The following MYOCD variants were observed in gnomAD, a reference collection of about 807,000 sequenced individuals.
MYOCD encodes myocardin.
MYOCD carries 32 observed loss-of-function variants against 96.1 expected under a neutral mutation model. The observed-to-expected ratio is 0.33, with a 90% CI of 0.25 to 0.45. MYOCD has a LOEUF of 0.45. Among genes scored for constraint, MYOCD ranks in the 20% least tolerant of loss-of-function variants. The probability of loss-of-function intolerance (pLI) is 1.00; values close to 1 mark genes in which losing one functional copy is unlikely to be tolerated. For missense variants in MYOCD, 1,133 were observed against 1,200.6 expected, an observed-to-expected ratio of 0.94 and a Z score of 0.83; for synonymous variants, 469 against 469.0, an observed-to-expected ratio of 1.00 and a Z score of 0.00.
chr17:12,725,892 A>C (rs776389198), intron 5 of MYOCD, among the ~76,000 whole-genome samples: 20 of 152,116 alleles, frequency 1.3e-4, no homozygotes, highest in Non-Finnish European at 2.8e-4. Context: ...GAGTTTTTTT[A>C]AACGCTTTTA....
At chr17:12,719,624 G>A (rs1229978941) in intron 4 of MYOCD, among the ~76,000 whole-genome samples, 5 of 150,766 alleles carry the variant, frequency 3.3e-5, no homozygotes, top group African/African-American at 9.7e-5. Flanking sequence ...AGGCCGAGGC[G>A]GGCGGATCAC....
At chr17:12,747,505 G>A (rs932042642) in intron 9 of MYOCD, among the ~76,000 whole-genome samples, 3 of 152,134 alleles carry the variant, frequency 2.0e-5, no homozygotes, top group Non-Finnish European at 4.4e-5. Flanking sequence ...TAGCCAGGCT[G>A]TCTTGTCAGG....
intron 4 of MYOCD, among the ~76,000 whole-genome samples, chr17:12,721,062 G>T (rs2031819941): frequency 6.7e-6 from 1 of 149,612 alleles, no homozygotes; most frequent in African/African-American, 2.4e-5. Context: ...TCTAAGTAGG[G>T]ATTTTCCTGA....
intron 1 of MYOCD, among the ~76,000 whole-genome samples, chr17:12,702,034 G>A (rs1484058806): frequency 6.6e-6 from 1 of 152,036 alleles, no homozygotes. Flanking sequence ...TAGGTGTAGT[G>A]CTAAACAAAT....
intron 1 of MYOCD, among the ~76,000 whole-genome samples, chr17:12,675,011 A>C (rs1909931102): frequency 6.6e-6 from 1 of 152,178 alleles, no homozygotes; most frequent in Non-Finnish European, 1.5e-5. Context: ...CTGTAGATTG[A>C]AAAAAATACT....
chr17:12,715,454 A>T lies in MYOCD; in HGVS notation c.122-65A>T, dbSNP rs372416070. 93 of 1,415,470 alleles carry T rather than the reference A, an allele frequency of 6.6e-5. 1 individual carries two copies. In the African/African-American group the frequency reaches 1.1e-3, roughly 17 times the overall value. The allele number at this position is 1,415,470 out of a possible 1,614,324, so 87.7% of individuals were successfully genotyped here. On this transcript the variant is annotated intron_variant, in intron 2 of 13. Coordinates refer to ENST00000425538, the MANE Select transcript of MYOCD (RefSeq NM_001146312.3). Reference sequence around the variant, plus strand: ...CATAGCTCAGCAAGCACACCAGCAAACTCTGCGATACAGACCAATGCCCTT... The same window carrying T: ...CATAGCTCAGCAAGCACACCAGCAATCTCTGCGATACAGACCAATGCCCTT...
At position 12,736,330 on chromosome 17, in the gene MYOCD, A is replaced by T. The variant is rs768453234; in HGVS notation, c.585A>T (p.Thr195=). The change falls in exon 6 of 14, where the codon ACA becomes ACT. Residue 195 remains threonine, a synonymous_variant. Coordinates refer to ENST00000425538, the MANE Select transcript of MYOCD (RefSeq NM_001146312.3). ...SDTPSTGSLG[T]NQDLASGSEN... Reference sequence around the variant, plus strand: ...CCCCTTCGACAGGTTCTCTGGGGACAAACCAGGTAAAAAACAAAACAAACA... The same window carrying T: ...CCCCTTCGACAGGTTCTCTGGGGACTAACCAGGTAAAAAACAAAACAAACA... The T allele has an allele frequency of 2.5e-6, 4 of 1,611,850 alleles. No homozygotes were observed. In the South Asian group the frequency reaches 4.4e-5, roughly 18 times the overall value.
At chr17:12,746,895 A>G (rs1175549083) in intron 9 of MYOCD, among the ~76,000 whole-genome samples, 4 of 151,766 alleles carry the variant, frequency 2.6e-5, no homozygotes, top group Non-Finnish European at 5.9e-5. Context: ...CACCCAGCTA[A>G]TTTTTGTATT....
intron 9 of MYOCD, among the ~76,000 whole-genome samples, chr17:12,750,507 G>A (rs2032817620): frequency 6.6e-6 from 1 of 152,082 alleles, no homozygotes; most frequent in Non-Finnish European, 1.5e-5. Flanking sequence ...TGGCCAACAT[G>A]GTGAAACCCC....
chr17:12,752,884 C>G lies in MYOCD; in HGVS notation c.1596C>G (p.Thr532=), dbSNP rs756603012. 1 of 1,613,914 alleles carries G rather than the reference C, an allele frequency of 6.2e-7. No homozygotes were observed. The highest frequency in any genetic ancestry group is 1.3e-5 in the African/African-American group (1 of 74,870). ...VEKQKVINEL[T]WKLQQEQRQV... ...AGCAGAAGGTGATCAATGAACTCAC[C>G]TGGAAACTCCAGCAAGAGCAGAGGC... is the stretch of plus-strand genomic sequence containing the variant. Residue 532 remains threonine (T), a synonymous_variant, in exon 10 of 14, where the codon ACC becomes ACG. Transcript: ENST00000425538.
rs139573882 is a variant in MYOCD, at chr17:12,715,064, G to A, written c.122-455G>A. On this transcript the variant is annotated intron_variant, in intron 2 of 13. Transcript: ENST00000425538. Reference sequence around the variant, plus strand: ...AGCCACACACTTTATCCAGAGTACCGTCCCTTCCTCCAAAGCACCACCCCA... The same window carrying A: ...AGCCACACACTTTATCCAGAGTACCATCCCTTCCTCCAAAGCACCACCCCA... Among the ~76,000 whole-genome samples the A allele has an allele frequency of 1.6e-4, 24 of 151,956 alleles. No individual in the cohort carries two copies. In the East Asian group the frequency reaches 3.3e-3, roughly 21 times the overall value.
chr17:12,708,118 G>C (rs2031361080), intron 2 of MYOCD, among the ~76,000 whole-genome samples: 1 of 152,034 alleles, frequency 6.6e-6, no homozygotes, highest in Non-Finnish European at 1.5e-5. Flanking sequence ...GAAAACCCCT[G>C]ACCTACCCCA....
At position 12,705,178 on chromosome 17, in the gene MYOCD, C is replaced by T; in HGVS notation, c.106C>T (p.Gln36Ter). The change falls in exon 2 of 14, where the codon CAA becomes TAA. Residue 36 changes from glutamine (Q) to a stop codon, truncating the protein, a stop_gained. Coordinates refer to ENST00000425538, the MANE Select transcript of MYOCD (RefSeq NM_001146312.3). LOFTEE classifies it high-confidence loss of function. The part of the protein sequence containing the change: ...QRRTQEQLAN[Q>*]GIIPPLKRPA... ...AAGGACCCAGGAACAACTGGCTAAC[C>T]AAGGCATAATACCACGTGAGTACCT... is the stretch of plus-strand genomic sequence containing the variant. 6.2e-7 allele frequency: 1 copy of T among 1,612,766 alleles called. No individual in the cohort carries two copies. The highest frequency in any genetic ancestry group is 8.5e-7 in the Non-Finnish European group (1 of 1,178,848).
intron 6 of MYOCD, among the ~76,000 whole-genome samples, chr17:12,738,438 C>G (rs559853842): frequency 5.3e-5 from 8 of 152,252 alleles, no homozygotes; most frequent in African/African-American, 1.9e-4. Flanking sequence ...ACTTTATACA[C>G]ATGCATGCGC....
At chr17:12,748,397 G>T (rs940757453) in intron 9 of MYOCD, among the ~76,000 whole-genome samples, 40 of 152,262 alleles carry the variant, frequency 2.6e-4, no homozygotes, top group Admixed American at 2.1e-3. Flanking sequence ...ATTCAGGAAA[G>T]GTAGGAGAAG....
At position 12,764,967 on chromosome 17, in the gene MYOCD, A is replaced by G. The variant is rs768617742; in HGVS notation, c.*1323A>G. On this transcript the variant is annotated 3_prime_UTR_variant, in exon 14 of 14. Transcript: ENST00000425538. ...TCTTTCTATTCTCGTTTAGTTTTCAAGAAATTATTGGTTTGTGTTGCTCTG... is the reference window on the plus strand; with the variant it reads ...TCTTTCTATTCTCGTTTAGTTTTCAGGAAATTATTGGTTTGTGTTGCTCTG... The G allele has an allele frequency of 5.3e-5, 8 of 152,240 alleles. No homozygotes were observed. Among genetic ancestry groups the G allele is most frequent in the Non-Finnish European group, 1.0e-4 (7 of 68,038 alleles). The allele number at this position is 152,240 out of a possible 1,614,324, so 9.4% of individuals were successfully genotyped here.
intron 2 of MYOCD, among the ~76,000 whole-genome samples, chr17:12,711,542 G>T (rs896280896): frequency 6.6e-6 from 1 of 152,066 alleles, no homozygotes; most frequent in African/African-American, 2.4e-5. Context: ...CTAATTAATG[G>T]TATATAAATT....
rs752345030 is a variant in MYOCD at position 12,753,186 on chromosome 17, G to GTGA, written c.1899_1900insGAT (p.Cys633_Ser634insAsp). 6.2e-7 allele frequency: 1 copy of GTGA among 1,614,118 alleles called. No homozygotes were observed. Among genetic ancestry groups the GTGA allele is most frequent in the South Asian group, 1.1e-5 (1 of 91,082 alleles). ...TCTTCCACATTTCTCAGCCCCCAGT[G>GTGA]TTCCCCTCAGCATTCACCGCTGGGG... On this transcript the variant is annotated inframe_insertion, in exon 10 of 14. Transcript: ENST00000425538.
chr17:12,758,684 A>T (rs2033083055), intron 12 of MYOCD, among the ~76,000 whole-genome samples: 1 of 152,214 alleles, frequency 6.6e-6, no homozygotes, highest in Non-Finnish European at 1.5e-5. Flanking sequence ...TGGATAATAA[A>T]TGCAAGGAGG....
Sources: allele counts gnomAD v4.1 joint callset (sites outside exome capture counted in the v4.1 genomes callset), GRCh38; gene constraint gnomAD v4.1.1; transcripts MANE v1.5; gene names NCBI Gene and HGNC (gene_info 2026-07-23, HGNC 2026-07-21).